The following NRXN3 variants were observed in gnomAD, a reference collection of about 807,000 sequenced individuals.
NRXN3 encodes the protein neurexin 3, also known as neurexin III.
In NRXN3, 32 loss-of-function variants were observed where a neutral mutation model predicts 137.6. That is an observed-to-expected ratio of 0.23 (90% CI 0.18 to 0.31). The LOEUF (loss-of-function observed/expected upper bound fraction) is 0.31. Ranked by LOEUF, NRXN3 falls within the 10% of genes least tolerant of loss-of-function variation. The probability of loss-of-function intolerance (pLI) is 1.00; values close to 1 mark genes in which losing one functional copy is unlikely to be tolerated. For missense variants in NRXN3, 1,574 were observed against 2,062.5 expected (o/e 0.76, Z 4.59); for synonymous variants, 798 against 784.5 (o/e 1.02, Z -0.29).
chr14:78,679,498 T>G (rs1383328851), intron 6 of NRXN3, among the ~76,000 whole-genome samples: 1 of 152,232 alleles, frequency 6.6e-6, no homozygotes, highest in Non-Finnish European at 1.5e-5. Flanking sequence ...AAAATGGCTC[T>G]TCTCTTAATT....
chr14:79,424,462 G>A (rs2095626177), intron 15 of NRXN3, among the ~76,000 whole-genome samples: 2 of 152,182 alleles, frequency 1.3e-5, no homozygotes, highest in Admixed American at 1.3e-4. Flanking sequence ...CATCTACTAT[G>A]TGTTAGGTAC....
chr14:79,380,845 A>G (rs1023315739), intron 15 of NRXN3, among the ~76,000 whole-genome samples: 2 of 152,160 alleles, frequency 1.3e-5, no homozygotes, highest in Non-Finnish European at 2.9e-5. Context: ...GCGATTCCTC[A>G]GGGATCTAGA....
At chr14:79,280,822 C>G (rs968810612) in intron 15 of NRXN3, 1 of 393,112 alleles carries the variant, frequency 2.5e-6, no homozygotes, top group Admixed American at 4.0e-5. Flanking sequence ...TCTTTTGCAA[C>G]CTTCTACTCT....
intron 15 of NRXN3, among the ~76,000 whole-genome samples, chr14:79,275,732 G>GT (rs1454767967): frequency 1.4e-5 from 2 of 139,078 alleles, no homozygotes; most frequent in Non-Finnish European, 3.1e-5. Context: ...GGGTGAGGAT[G>GT]GGGGGGGGGA....
intron 15 of NRXN3, among the ~76,000 whole-genome samples, chr14:79,159,174 G>T (rs1219365162): frequency 6.6e-6 from 1 of 151,728 alleles, no homozygotes; most frequent in Non-Finnish European, 1.5e-5. Context: ...CATGACCTTT[G>T]TTCTTGACTA....
Position 79,859,189 on chromosome 14 carries a change from A to G in NRXN3, c.4094-2153A>G, listed in dbSNP as rs1312368753. Among the ~76,000 whole-genome samples, 2 of 152,186 alleles carry G rather than the reference A, an allele frequency of 1.3e-5. 1 individual carries two copies. The highest frequency in any genetic ancestry group is 2.9e-5 in the Non-Finnish European group (2 of 68,036). On this transcript the variant is annotated intron_variant, in intron 20 of 20. Transcript: ENST00000335750. ...TCATAGTAAAATTATCACATAGGCC[A>G]GAGATGACACTGCAACATTCTGTTG...
At chr14:78,248,098 G>A (rs1467723033) in intron 2 of NRXN3, among the ~76,000 whole-genome samples, 1 of 152,332 alleles carries the variant, frequency 6.6e-6, no homozygotes, top group Non-Finnish European at 1.5e-5. Flanking sequence ...CAAAGAAAAA[G>A]TTGATTACTT....
At chr14:79,497,105 G>A (rs767367217) in intron 16 of NRXN3, among the ~76,000 whole-genome samples, 48 of 152,302 alleles carry the variant, frequency 3.2e-4, no homozygotes, top group Non-Finnish European at 6.2e-4. Context: ...TCCGGACCTT[G>A]GGTTCTTAAC....
At chr14:79,651,509 C>T (rs1027215710) in intron 16 of NRXN3, among the ~76,000 whole-genome samples, 3 of 152,000 alleles carry the variant, frequency 2.0e-5, no homozygotes, top group African/African-American at 7.3e-5. Context: ...GATGCATTTT[C>T]TTCCCTCACA....
chr14:79,026,946 AATT>A (rs1332019921), intron 15 of NRXN3, among the ~76,000 whole-genome samples: 4 of 100,224 alleles, frequency 4.0e-5, no homozygotes, highest in African/African-American at 1.4e-4. Context: ...TAACTATTAT[AATT>A]TTATATATAT....
At chr14:79,614,739 T>TA (rs1451635680) in intron 16 of NRXN3, among the ~76,000 whole-genome samples, 1 of 152,174 alleles carries the variant, frequency 6.6e-6, no homozygotes, top group Non-Finnish European at 1.5e-5. Flanking sequence ...TAGACTAGAC[T>TA]GTATTCTATT....
intron 19 of NRXN3, among the ~76,000 whole-genome samples, chr14:79,746,578 T>C (rs2098980335): frequency 6.6e-6 from 1 of 152,134 alleles, no homozygotes. Context: ...TAACTCATCA[T>C]GTTAGTAGTA....
intron 4 of NRXN3, among the ~76,000 whole-genome samples, chr14:78,314,930 T>TCTTC (rs2078451743): frequency 6.2e-5 from 7 of 113,056 alleles, no homozygotes; most frequent in Admixed American, 6.0e-4. Flanking sequence ...TTTCTTTCTT[T>TCTTC]CTTTCTTTCT....
chr14:79,538,804 A>G (rs1033796061), intron 16 of NRXN3, among the ~76,000 whole-genome samples: 1 of 152,184 alleles, frequency 6.6e-6, no homozygotes, highest in African/African-American at 2.4e-5. Flanking sequence ...AATGGGGGGA[A>G]TTCCTGAAGG....
chr14:78,774,393 C>T (rs143134064), intron 8 of NRXN3, among the ~76,000 whole-genome samples: 1 of 152,188 alleles, frequency 6.6e-6, no homozygotes, highest in Non-Finnish European at 1.5e-5. Context: ...TCTGTGTGAA[C>T]AAAGGGAATA....
intron 6 of NRXN3, among the ~76,000 whole-genome samples, chr14:78,683,782 A>G (rs377703669): frequency 3.7e-4 from 56 of 152,102 alleles, no homozygotes; most frequent in African/African-American, 1.2e-3. Context: ...CTTTCCAAAG[A>G]CTCCTTTTAG....
At chr14:79,148,755 TA>T (rs1161253658) in intron 15 of NRXN3, among the ~76,000 whole-genome samples, 1 of 152,154 alleles carries the variant, frequency 6.6e-6, no homozygotes, top group African/African-American at 2.4e-5. Flanking sequence ...GCCAATTTAA[TA>T]AACATTCTCT....
intron 4 of NRXN3, among the ~76,000 whole-genome samples, chr14:78,367,811 C>T (rs554764683): frequency 8.5e-4 from 130 of 152,320 alleles, no homozygotes; most frequent in African/African-American, 3.1e-3. Context: ...TTTTGCTTCT[C>T]AAAGGCTTGC....
chr14:78,651,757 C>T (rs1401862908), intron 6 of NRXN3, among the ~76,000 whole-genome samples: 1 of 150,534 alleles, frequency 6.6e-6, no homozygotes, highest in Non-Finnish European at 1.5e-5. Flanking sequence ...GAGACTTATT[C>T]ACTATCATGA....
Sources: allele counts gnomAD v4.1 joint callset (sites outside exome capture counted in the v4.1 genomes callset), GRCh38; gene constraint gnomAD v4.1.1; transcripts MANE v1.5; gene names NCBI Gene and HGNC (gene_info 2026-07-23, HGNC 2026-07-21).